IL19: variants seen among roughly 807,000 people sequenced by gnomAD.
IL19 encodes interleukin 19.
A neutral mutation model predicts 19.5 loss-of-function variants in IL19; 15 were observed. That is an observed-to-expected ratio of 0.77 (90% CI 0.52 to 1.19). The LOEUF (loss-of-function observed/expected upper bound fraction) is 1.19. IL19 is among the 50% of genes most tolerant of loss of function. The probability of loss-of-function intolerance (pLI) is 0.00; values close to 1 mark genes in which losing one functional copy is unlikely to be tolerated. For missense variants in IL19, 199 were observed against 213.1 expected, an observed-to-expected ratio of 0.93 and a Z score of 0.41; for synonymous variants, 78 against 78.3, an observed-to-expected ratio of 1.00 and a Z score of 0.02.
At chr1:206,798,268 C>T (rs1394845606) in intron 1 of IL19, among the ~76,000 whole-genome samples, 1 of 152,164 alleles carries the variant, frequency 6.6e-6, no homozygotes, top group Non-Finnish European at 1.5e-5. Flanking sequence ...CCCGTTGTTC[C>T]ATCCAGTCTT....
At chr1:206,835,500 T>C (rs1273269625) in intron 2 of IL19, among the ~76,000 whole-genome samples, 1 of 152,210 alleles carries the variant, frequency 6.6e-6, no homozygotes, top group Non-Finnish European at 1.5e-5. Flanking sequence ...CTGGGAATCC[T>C]GAGGAAGGCA....
intron 6 of IL19, among the ~76,000 whole-genome samples, chr1:206,841,962 C>T (rs931825775): frequency 2.0e-5 from 3 of 152,114 alleles, no homozygotes; most frequent in Non-Finnish European, 4.4e-5. Flanking sequence ...CTCTACAGGA[C>T]GCGCTAAAAG....
At chr1:206,792,265 T>A (rs1675425658) in intron 1 of IL19, among the ~76,000 whole-genome samples, 1 of 152,058 alleles carries the variant, frequency 6.6e-6, no homozygotes, top group Admixed American at 6.5e-5. Flanking sequence ...AGACCTAAAT[T>A]CCTTAACCAT....
intron 1 of IL19, among the ~76,000 whole-genome samples, chr1:206,782,008 T>TATATATGTATATGTTATATATAC: frequency 1.2e-5 from 1 of 83,000 alleles, no homozygotes; most frequent in African/African-American, 4.0e-5. Context: ...TATATATACA[T>TATATATGTATATGTTATATATAC]ATATATGTAT....
intron 4 of IL19, among the ~76,000 whole-genome samples, chr1:206,838,647 T>C (rs1175318470): frequency 6.6e-6 from 1 of 152,072 alleles, no homozygotes; most frequent in East Asian, 1.9e-4. Flanking sequence ...TATGCCCCCA[T>C]CTTCAGATTC....
intron 1 of IL19, among the ~76,000 whole-genome samples, chr1:206,797,210 C>T (rs965248228): frequency 7.2e-5 from 11 of 152,124 alleles, no homozygotes; most frequent in African/African-American, 2.7e-4. Flanking sequence ...CATTGCCAAA[C>T]CTGTTCATTT....
At chr1:206,830,126 A>T (rs1017166692) in intron 2 of IL19, among the ~76,000 whole-genome samples, 1 of 152,212 alleles carries the variant, frequency 6.6e-6, no homozygotes, top group Non-Finnish European at 1.5e-5. Flanking sequence ...AAAGGGCAGC[A>T]TGGGGTTAGA....
chr1:206,811,812 G>A (rs897130714), intron 2 of IL19, among the ~76,000 whole-genome samples: 1 of 152,170 alleles, frequency 6.6e-6, no homozygotes, highest in Non-Finnish European at 1.5e-5. Context: ...TGATTACAGT[G>A]CAACCCTTCC....
chr1:206,786,801 T>G (rs1305376189), intron 1 of IL19, among the ~76,000 whole-genome samples: 3 of 152,150 alleles, frequency 2.0e-5, no homozygotes, highest in African/African-American at 7.2e-5. Flanking sequence ...AAAGGCCACA[T>G]GGAGGTTTAT....
In IL19 at chr1:206,836,593, A is replaced by G. The variant is rs1676802316; in HGVS notation, c.-2-68A>G. The G allele has an allele frequency of 3.5e-6, 5 of 1,440,016 alleles. No homozygotes were observed. In the East Asian group the frequency reaches 9.2e-5, roughly 26 times the overall value. 89.2% of individuals were successfully genotyped at this position (1,440,016 alleles called of 1,614,324 possible). A position where few individuals can be genotyped will look rare whatever the true frequency, so the allele number is the denominator to read the frequency against. ...CCTTCGAGGCTGGAAAGGAGCGTCAATCAGGGGTCTTCTTTTTCATTGCCC... is the reference window on the plus strand; with the variant it reads ...CCTTCGAGGCTGGAAAGGAGCGTCAGTCAGGGGTCTTCTTTTTCATTGCCC... On this transcript the variant is annotated intron_variant, in intron 2 of 6. Coordinates refer to ENST00000659997, the MANE Select transcript of IL19 (RefSeq NM_153758.5).
At chr1:206,786,478 A>G (rs1675272085) in intron 1 of IL19, among the ~76,000 whole-genome samples, 3 of 151,836 alleles carry the variant, frequency 2.0e-5, no homozygotes, top group African/African-American at 7.3e-5. Flanking sequence ...TGGGGACTAC[A>G]AGGCAAGGTT....
intron 2 of IL19, among the ~76,000 whole-genome samples, chr1:206,828,185 A>G (rs977051258): frequency 0.021 from 40 of 1,884 alleles, no homozygotes; most frequent in African/African-American, 0.034. Flanking sequence ...ATGGCTATAT[A>G]GGACATCTCC....
At chr1:206,789,176 A>C (rs1558608272) in intron 1 of IL19, among the ~76,000 whole-genome samples, 1 of 152,248 alleles carries the variant, frequency 6.6e-6, no homozygotes, top group Admixed American at 6.5e-5. Context: ...CTGGCATTCC[A>C]TGAAGGTTGC....
intron 1 of IL19, among the ~76,000 whole-genome samples, chr1:206,791,417 C>T (rs1383218532): frequency 2.6e-5 from 4 of 151,964 alleles, no homozygotes; most frequent in African/African-American, 7.3e-5. Context: ...GTTCTTCTGC[C>T]TCAGCCTCCT....
intron 1 of IL19, among the ~76,000 whole-genome samples, chr1:206,792,252 G>A (rs989003811): frequency 4.6e-5 from 7 of 152,096 alleles, no homozygotes; most frequent in South Asian, 4.1e-4. Flanking sequence ...CTGAGTCAGG[G>A]GCAGACCTAA....
At chr1:206,785,913 A>G (rs1174305853) in intron 1 of IL19, among the ~76,000 whole-genome samples, 1 of 152,184 alleles carries the variant, frequency 6.6e-6, no homozygotes, top group Non-Finnish European at 1.5e-5. Flanking sequence ...CATCTGTACA[A>G]AATTGGAAAG....
chr1:206,798,572 C>T (rs536868679), intron 1 of IL19, among the ~76,000 whole-genome samples: 1 of 151,700 alleles, frequency 6.6e-6, no homozygotes, highest in Admixed American at 6.6e-5. Context: ...GACAGTTCTC[C>T]CTCCCATTAT....
intron 2 of IL19, among the ~76,000 whole-genome samples, chr1:206,811,678 T>C (rs1218939027): frequency 6.6e-6 from 1 of 152,294 alleles, no homozygotes; most frequent in Non-Finnish European, 1.5e-5. Context: ...TTTAACAACA[T>C]GGACTTACCC....
At chr1:206,814,716 AC>A (rs1439662227) in intron 2 of IL19, among the ~76,000 whole-genome samples, 83 of 151,598 alleles carry the variant, frequency 5.5e-4, no homozygotes, top group African/African-American at 2.0e-3. Flanking sequence ...ACACACACAC[AC>A]ACACACACAA....
Sources: allele counts gnomAD v4.1 joint callset (sites outside exome capture counted in the v4.1 genomes callset), GRCh38; gene constraint gnomAD v4.1.1; transcripts MANE v1.5; gene names NCBI Gene and HGNC (gene_info 2026-07-23, HGNC 2026-07-21).